The following NCALD variants were observed in gnomAD, a reference collection of about 807,000 sequenced individuals.
NCALD encodes neurocalcin-delta.
In NCALD, 10 loss-of-function variants were observed where a neutral mutation model predicts 18.6. The observed-to-expected ratio is 0.54, with a 90% CI of 0.33 to 0.91. NCALD has a LOEUF of 0.91. NCALD is among the 40% of genes least tolerant of loss of function. NCALD has a pLI of 0.03. For synonymous variants in NCALD, 88 were observed against 87.4 expected, an observed-to-expected ratio of 1.01 and a Z score of -0.04; for missense variants, 184 against 247.6, an observed-to-expected ratio of 0.74 and a Z score of 1.72.
intron 2 of NCALD, among the ~76,000 whole-genome samples, chr8:101,712,363 T>A (rs919827793): frequency 6.6e-6 from 1 of 151,804 alleles, no homozygotes; most frequent in African/African-American, 2.4e-5. Flanking sequence ...ATGGGCAAAA[T>A]AAACAGCTAG....
intron 2 of NCALD, among the ~76,000 whole-genome samples, chr8:101,983,526 A>G (rs1820698006): frequency 6.6e-6 from 1 of 152,226 alleles, no homozygotes; most frequent in African/African-American, 2.4e-5. Flanking sequence ...AAATTCACCC[A>G]TGCAACTTAG....
chr8:101,935,280 C>T (rs1340200659), intron 2 of NCALD, among the ~76,000 whole-genome samples: 1 of 152,060 alleles, frequency 6.6e-6, no homozygotes, highest in Non-Finnish European at 1.5e-5. Flanking sequence ...CACAGTTAAT[C>T]CCGAATTTTC....
At chr8:101,729,464 C>G (rs527578109) in intron 1 of NCALD, among the ~76,000 whole-genome samples, 2 of 152,322 alleles carry the variant, frequency 1.3e-5, no homozygotes, top group South Asian at 4.1e-4. Flanking sequence ...AAATATGTTA[C>G]AAAGCCATTG....
At position 101,899,633 on chromosome 8, in the gene NCALD, A is replaced by C. The variant is rs184021319; in HGVS notation, c.-106-12406T>G. Among the ~76,000 whole-genome samples, 361 of 152,050 alleles carry C rather than the reference A, an allele frequency of 2.4e-3. 1 individual carries two copies. The highest frequency in any genetic ancestry group is 4.1e-3 in the Non-Finnish European group (275 of 67,796). ...TCAAATGGGTTTCTGTACATCAATT[A>C]GTATGATTGTGATTTTTTCTTTAGA... On this transcript the variant is annotated intron_variant, in intron 3 of 6. Transcript: ENST00000311028.
intron 2 of NCALD, among the ~76,000 whole-genome samples, chr8:101,970,496 A>G (rs1820201225): frequency 6.6e-6 from 1 of 152,140 alleles, no homozygotes; most frequent in African/African-American, 2.4e-5. Flanking sequence ...CCCCAACCCA[A>G]AAAGCTCTAT....
At chr8:101,821,767 T>A (rs1353688457) in intron 4 of NCALD, among the ~76,000 whole-genome samples, 1 of 151,654 alleles carries the variant, frequency 6.6e-6, no homozygotes, top group Non-Finnish European at 1.5e-5. Flanking sequence ...CTCTATCCAC[T>A]GGAGTATACG....
intron 1 of NCALD, among the ~76,000 whole-genome samples, chr8:102,060,420 G>A (rs1823809213): frequency 6.6e-6 from 1 of 152,230 alleles, no homozygotes; most frequent in South Asian, 2.1e-4. Context: ...CAGCCAGTCT[G>A]AGACCTCACT....
chr8:101,692,767 A>G (rs1280816484), intron 3 of NCALD, 24 bp downstream of exon 3: 2 of 1,588,984 alleles, frequency 1.3e-6, no homozygotes, highest in African/African-American at 2.7e-5. Context: ...ATCTGAGCAA[A>G]GCAGTGTAGC....
intron 3 of NCALD, among the ~76,000 whole-genome samples, chr8:101,911,326 C>T (rs1817787374): frequency 6.7e-6 from 1 of 149,032 alleles, no homozygotes; most frequent in Admixed American, 6.7e-5. Context: ...GGAAATCCTT[C>T]CTCTTATGAA....
intron 1 of NCALD, among the ~76,000 whole-genome samples, chr8:102,093,800 G>T (rs1425430246): frequency 6.6e-6 from 1 of 152,116 alleles, no homozygotes; most frequent in African/African-American, 2.4e-5. Context: ...ACACACCCTT[G>T]TGCTTTTGAG....
At chr8:101,864,284 C>T (rs1278271786) in intron 4 of NCALD, among the ~76,000 whole-genome samples, 3 of 152,100 alleles carry the variant, frequency 2.0e-5, no homozygotes, top group Non-Finnish European at 4.4e-5. Flanking sequence ...TGTGTCTACT[C>T]GACACACAAG....
chr8:101,952,693 G>C (rs1819476974), intron 2 of NCALD, among the ~76,000 whole-genome samples: 1 of 151,590 alleles, frequency 6.6e-6, no homozygotes, highest in Admixed American at 6.6e-5. Flanking sequence ...TAAGGAGAAA[G>C]ATAGAAACAC....
chr8:101,892,603 T>C (rs1816953898), intron 3 of NCALD, among the ~76,000 whole-genome samples: 1 of 148,618 alleles, frequency 6.7e-6, no homozygotes, highest in South Asian at 2.1e-4. Context: ...GCAAAGAAGT[T>C]GAACACTTTG....
At chr8:102,121,411 A>G (rs901125040) in intron 1 of NCALD, among the ~76,000 whole-genome samples, 10 of 152,174 alleles carry the variant, frequency 6.6e-5, no homozygotes, top group African/African-American at 2.4e-4. Context: ...TGCCTGAGTC[A>G]GAAAAGTACC....
At chr8:101,692,096 C>T in intron 3 of NCALD, 1 of 971,376 alleles carries the variant, frequency 1.0e-6, no homozygotes, top group East Asian at 1.1e-4. Context: ...ACAACTGTTG[C>T]TGTTTATCTG....
chr8:101,997,395 C>G (rs188161218), intron 2 of NCALD, among the ~76,000 whole-genome samples: 1 of 151,338 alleles, frequency 6.6e-6, no homozygotes, highest in East Asian at 1.9e-4. Context: ...TTCCTGGAAC[C>G]TTTTAGATGA....
chr8:101,715,071 A>G (rs1691144033), intron 2 of NCALD, among the ~76,000 whole-genome samples: 2 of 152,192 alleles, frequency 1.3e-5, no homozygotes, highest in African/African-American at 2.4e-5. Flanking sequence ...ACAAGGCTAC[A>G]GTAACCAAAA....
intron 1 of NCALD, among the ~76,000 whole-genome samples, chr8:102,085,770 T>G (rs1176154698): frequency 6.7e-6 from 1 of 149,332 alleles, no homozygotes; most frequent in East Asian, 1.9e-4. Flanking sequence ...AAAAAAAAAG[T>G]ATCTAGTGGC....
intron 1 of NCALD, among the ~76,000 whole-genome samples, chr8:102,039,528 A>G (rs1316753718): frequency 2.0e-5 from 3 of 152,178 alleles, no homozygotes; most frequent in Admixed American, 6.6e-5. Flanking sequence ...TATCATTAAT[A>G]TGATAGAGCT....
Sources: allele counts gnomAD v4.1 joint callset (sites outside exome capture counted in the v4.1 genomes callset), GRCh38; gene constraint gnomAD v4.1.1; transcripts MANE v1.5; gene names NCBI Gene and HGNC (gene_info 2026-07-23, HGNC 2026-07-21).